Variants in TSPEAR observed in about 807,000 individuals in gnomAD.
The protein encoded by TSPEAR is thrombospondin type laminin G domain and EAR repeats, also known as thrombospondin-type laminin G domain and EAR repeat-containing protein.
Under a neutral mutation model 71.6 loss-of-function variants are expected in TSPEAR, and 69 were observed. The observed-to-expected ratio is 0.96, with a 90% CI of 0.79 to 1.18. The LOEUF (loss-of-function observed/expected upper bound fraction) is 1.18. Among genes scored for constraint, TSPEAR ranks in the 50% most tolerant of loss-of-function variants. The pLI, the probability that TSPEAR is intolerant of heterozygous loss-of-function variation, is 0.00. For missense variants in TSPEAR, 971 were observed against 894.9 expected (o/e 1.09, Z -1.09); for synonymous variants, 402 against 387.2 (o/e 1.04, Z -0.45).
intron 1 of TSPEAR, among the ~76,000 whole-genome samples, chr21:44,570,865 A>C (rs1601427358): frequency 6.6e-6 from 1 of 152,354 alleles, no homozygotes; most frequent in East Asian, 1.9e-4. Flanking sequence ...TCCATAAACA[A>C]CACCACGTGT....
rs57159836 is a variant in TSPEAR, at chr21:44,598,425, G to T, written c.83-30420C>A. Among the ~76,000 whole-genome samples, 1,258 of 152,262 alleles carry T rather than the reference G, an allele frequency of 8.3e-3. 11 individuals carry two copies. The highest frequency in any genetic ancestry group is 0.028 in the African/African-American group (1,178 of 41,548). ...CCAGCCATATGGGAGACACCCTCCT[G>T]CACAGACATACATTTGCTTTGCTGA... On this transcript the variant is annotated intron_variant, in intron 1 of 11. Transcript: ENST00000323084.
At chr21:44,525,926 T>A in intron 7 of TSPEAR, 87 bp from the exon 8 acceptor site, 2 of 1,320,328 alleles carry the variant, frequency 1.5e-6, no homozygotes, top group Middle Eastern at 1.9e-4. Context: ...CATCAGCATC[T>A]CTCTCCAGAT....
intron 1 of TSPEAR, among the ~76,000 whole-genome samples, chr21:44,604,521 G>T (rs1160939693): frequency 6.6e-6 from 1 of 151,854 alleles, no homozygotes; most frequent in African/African-American, 2.4e-5. Flanking sequence ...CTCTATATAA[G>T]ATCACATCAT....
At chr21:44,617,575 A>G (rs1232021960) in intron 1 of TSPEAR, among the ~76,000 whole-genome samples, 1 of 152,252 alleles carries the variant, frequency 6.6e-6, no homozygotes, top group Non-Finnish European at 1.5e-5. Context: ...AACTGCAGGC[A>G]AGGGATGCTG....
intron 1 of TSPEAR, among the ~76,000 whole-genome samples, chr21:44,656,950 C>A (rs587622453): frequency 3.4e-4 from 52 of 152,202 alleles, no homozygotes; most frequent in Non-Finnish European, 5.9e-4. Context: ...AATCCCAGAC[C>A]CCCCCAGCAT....
intron 1 of TSPEAR, chr21:44,591,718 C>T (rs1555926616): frequency 6.3e-7 from 1 of 1,596,960 alleles, no homozygotes; most frequent in Admixed American, 1.7e-5. Flanking sequence ...AGCTGGCTGG[C>T]AGCTAGACTG....
In TSPEAR at chr21:44,546,243, G is replaced by T. The variant is rs1374127529; in HGVS notation, c.304-12320C>A. On this transcript the variant is annotated intron_variant, in intron 2 of 11. Transcript: ENST00000323084. The surrounding 1 kb of genome is among the most constrained non-coding windows in gnomAD (Gnocchi z 4.4). ...CTACCTTTCCTTCATATGGCTCCAG[G>T]TTACTGTCTAGTGCCCTTTTATTTC... 1.3e-5 allele frequency among the ~76,000 whole-genome samples: 2 copies of T among 152,142 alleles called. No individual in the cohort carries two copies. Among genetic ancestry groups the T allele is most frequent in the African/African-American group, 4.8e-5 (2 of 41,416 alleles).
intron 2 of TSPEAR, among the ~76,000 whole-genome samples, chr21:44,563,257 T>A (rs1393790991): frequency 6.6e-6 from 1 of 152,108 alleles, no homozygotes; most frequent in Non-Finnish European, 1.5e-5. Context: ...TTAAAAGCCA[T>A]AAAATTATAG....
intron 2 of TSPEAR, chr21:44,551,115 C>A (rs781919556): frequency 6.4e-6 from 10 of 1,557,650 alleles, no homozygotes; most frequent in South Asian, 1.1e-5. Flanking sequence ...AGAAGCCCCA[C>A]AGCAGACGGG....
chr21:44,575,220 G>A, intron 1 of TSPEAR: 1 of 623,206 alleles, frequency 1.6e-6, no homozygotes, highest in Non-Finnish European at 2.9e-6. Context: ...AGTTCCCATG[G>A]CAGTGGCCTC....
intron 1 of TSPEAR, chr21:44,682,078 C>T (rs55881656): frequency 0.058 from 93,522 of 1,613,926 alleles, 3,002 homozygotes; most frequent in Middle Eastern, 0.1. Context: ...GGGCTGGGCG[C>T]GCAGCAGGCT....
intron 1 of TSPEAR, chr21:44,637,754 G>C: frequency 7.5e-7 from 1 of 1,336,832 alleles, no homozygotes; most frequent in Non-Finnish European, 1.0e-6. Context: ...TAACAAGCCT[G>C]TGTGCTTCGT....
rs970506343 is a variant in TSPEAR at position 44,710,116 on chromosome 21, T to C, written c.82+1317A>G. Among the ~76,000 whole-genome samples, 5 of 151,966 alleles carry C rather than the reference T, an allele frequency of 3.3e-5. No individual in the cohort carries two copies. The highest frequency in any genetic ancestry group is 5.9e-5 in the Non-Finnish European group (4 of 67,968). Reference sequence around the variant, plus strand: ...AGGGTGTGCTGAGGAGTCTCTCAGCTGCCCCGGGGTCCTCGAGCAGGGGAG... The same window carrying C: ...AGGGTGTGCTGAGGAGTCTCTCAGCCGCCCCGGGGTCCTCGAGCAGGGGAG... On this transcript the variant is annotated intron_variant, in intron 1 of 11. Coordinates refer to ENST00000323084, the MANE Select transcript of TSPEAR (RefSeq NM_144991.3). The surrounding 1 kb of genome is among the most constrained non-coding windows in gnomAD (Gnocchi z 4.6).
At chr21:44,607,652 T>C (rs8128246) in intron 1 of TSPEAR, among the ~76,000 whole-genome samples, 1 of 152,188 alleles carries the variant, frequency 6.6e-6, no homozygotes. Flanking sequence ...CAAATGATAC[T>C]ATTAATACCA....
chr21:44,614,665 T>C (rs1191145334), intron 1 of TSPEAR, among the ~76,000 whole-genome samples: 3 of 152,170 alleles, frequency 2.0e-5, no homozygotes, highest in Admixed American at 2.0e-4. Flanking sequence ...GATGAATGCA[T>C]GACAGACTTC....
chr21:44,552,713 G>T (rs1208925066), intron 2 of TSPEAR, among the ~76,000 whole-genome samples: 1 of 152,174 alleles, frequency 6.6e-6, no homozygotes, highest in Non-Finnish European at 1.5e-5. Flanking sequence ...CATGTGCACC[G>T]GCTGGACGTG....
At chr21:44,659,117 G>C (rs1555943170) in intron 1 of TSPEAR, among the ~76,000 whole-genome samples, 1 of 152,140 alleles carries the variant, frequency 6.6e-6, no homozygotes, top group East Asian at 1.9e-4. Flanking sequence ...ACAACAGAGA[G>C]CCCTCCTTTC....
At chr21:44,645,537 A>G (rs1984273952) in intron 1 of TSPEAR, among the ~76,000 whole-genome samples, 1 of 151,866 alleles carries the variant, frequency 6.6e-6, no homozygotes, top group Non-Finnish European at 1.5e-5. Context: ...TATTTTTAGT[A>G]GAGACCGGGT....
Position 44,504,834 on chromosome 21 carries a change from A to C in TSPEAR, c.1802T>G (p.Val601Gly). Reference sequence around the variant, plus strand: ...ACGCCCATCGAAGGAGTTGGCCACCACCAGGAAATAATCTTCTCCCACCGA... The same window carrying C: ...ACGCCCATCGAAGGAGTTGGCCACCCCCAGGAAATAATCTTCTCCCACCGA... ...FFSVGEDYFL[V>G]VANSFDGRTF... Residue 601 changes from valine (V) to glycine (G), a missense_variant, in exon 11 of 12, where the codon GTG becomes GGG. Val to Gly is a moderately radical substitution (Grantham distance 109). Coordinates refer to ENST00000323084, the MANE Select transcript of TSPEAR (RefSeq NM_144991.3). The C allele has an allele frequency of 1.9e-6, 3 of 1,612,720 alleles. No homozygotes were observed. Among genetic ancestry groups the C allele is most frequent in the Non-Finnish European group, 2.5e-6 (3 of 1,179,500 alleles).
Sources: gnomAD v4.1 joint callset for allele counts (sites outside exome capture counted in the v4.1 genomes callset) on GRCh38, gnomAD v4.1.1 for gene constraint, Gnocchi (gnomAD v3.1) non-coding constraint, MANE v1.5 for transcripts, NCBI Gene and HGNC (gene_info 2026-07-23, HGNC 2026-07-21) for gene names.